Variants in ACVR1C observed in about 807,000 individuals in gnomAD.
ACVR1C encodes activin A receptor type 1C, also known as activin receptor type-1C.
In ACVR1C, 23 loss-of-function variants were observed where a neutral mutation model predicts 57.9. The ratio of observed to expected loss-of-function variants is 0.40; its 90% CI spans 0.29 to 0.56. The LOEUF is 0.56. Among genes scored for constraint, ACVR1C ranks in the 20% least tolerant of loss-of-function variants. The pLI, the probability that ACVR1C is intolerant of heterozygous loss-of-function variation, is 0.50. For missense variants in ACVR1C, 480 were observed against 607.9 expected, an observed-to-expected ratio of 0.79 and a Z score of 2.21; for synonymous variants, 214 against 215.3, an observed-to-expected ratio of 0.99 and a Z score of 0.05.
chr2:157,597,272 G>T, intron 1 of ACVR1C: 1 of 886,076 alleles, frequency 1.1e-6, no homozygotes, highest in Non-Finnish European at 1.4e-6. Flanking sequence ...TCACTGCCCT[G>T]ATGGAACTCC....
intron 8 of ACVR1C, among the ~76,000 whole-genome samples, chr2:157,536,404 A>G (rs1199843635): frequency 6.6e-6 from 1 of 152,210 alleles, no homozygotes; most frequent in African/African-American, 2.4e-5. Context: ...AGTTCTTAAA[A>G]GTAGTCATAA....
chr2:157,533,874 A>G lies in ACVR1C; in HGVS notation c.*44T>C. On this transcript the variant is annotated 3_prime_UTR_variant, in exon 9 of 9. Coordinates refer to ENST00000243349, the MANE Select transcript of ACVR1C (RefSeq NM_145259.3). ...AACATTCACATAAAGGGGAAAATGG[A>G]AAAGAAAGCTATGAGAGATTTCTTT... 1 of 1,488,422 alleles carries G rather than the reference A, an allele frequency of 6.7e-7. No homozygotes were observed. Among genetic ancestry groups the G allele is most frequent in the Non-Finnish European group, 8.9e-7 (1 of 1,122,040 alleles). 92.2% of individuals were successfully genotyped at this position (1,488,422 alleles called of 1,614,324 possible). A position where few individuals can be genotyped will look rare whatever the true frequency, so the allele number is the denominator to read the frequency against.
chr2:157,608,704 T>C (rs577311242), intron 1 of ACVR1C, among the ~76,000 whole-genome samples: 1 of 152,008 alleles, frequency 6.6e-6, no homozygotes, highest in African/African-American at 2.4e-5. Flanking sequence ...TCAATCTTGA[T>C]AGGCTGTATG....
chr2:157,543,879 CT>C lies in ACVR1C; in HGVS notation c.943+565del, dbSNP rs144766835. Among the ~76,000 whole-genome samples, 1,116 of 152,080 alleles carry C rather than the reference CT, an allele frequency of 7.3e-3. 8 individuals carry two copies. The highest frequency in any genetic ancestry group is 0.025 in the African/African-American group (1,041 of 41,498). ...GACATTTGCCATTAAAGCAAGATCTCTGGGTACATATGCTAAATGGCAAAGA... is the reference window on the plus strand; with the variant it reads ...GACATTTGCCATTAAAGCAAGATCTCGGGTACATATGCTAAATGGCAAAGA... On this transcript the variant is annotated intron_variant, in intron 5 of 8. Transcript: ENST00000243349.
At chr2:157,609,242 G>C (rs1682476216) in intron 1 of ACVR1C, among the ~76,000 whole-genome samples, 1 of 151,544 alleles carries the variant, frequency 6.6e-6, no homozygotes, top group Admixed American at 6.6e-5. Context: ...TTGTTTAGGG[G>C]CATGTTGTTT....
At chr2:157,542,130 A>G (rs1687639910) in intron 6 of ACVR1C, among the ~76,000 whole-genome samples, 1 of 152,228 alleles carries the variant, frequency 6.6e-6, no homozygotes, top group South Asian at 2.1e-4. Flanking sequence ...ATCCAAATTC[A>G]TATTATCTTA....
chr2:157,624,490 T>A (rs1682856429), intron 1 of ACVR1C, among the ~76,000 whole-genome samples: 1 of 152,122 alleles, frequency 6.6e-6, no homozygotes, highest in South Asian at 2.1e-4. Flanking sequence ...AATAACCACT[T>A]CCAAAATACA....
intron 1 of ACVR1C, among the ~76,000 whole-genome samples, chr2:157,588,509 A>C (rs569159777): frequency 4.6e-5 from 7 of 151,930 alleles, no homozygotes; most frequent in African/African-American, 1.7e-4. Flanking sequence ...ATAATGGTGA[A>C]GTCTCAGCTT....
At chr2:157,555,336 G>C (rs972371317) in intron 3 of ACVR1C, among the ~76,000 whole-genome samples, 7 of 150,974 alleles carry the variant, frequency 4.6e-5, no homozygotes, top group African/African-American at 1.5e-4. Context: ...AGCCAGGATG[G>C]TCTCGATCTC....
chr2:157,587,218 A>G lies in ACVR1C; in HGVS notation c.273T>C (p.Phe91=). ...VTKTECCFTD[F]CNNITLHLPT... is the part of the protein sequence containing the mutation. ...GAAGGTGCAGTGTTATGTTGTTGCA[A>G]AAATCTGTGAAGCAGCATTCGGTTT... Residue 91 remains phenylalanine (F), a synonymous_variant, in exon 2 of 9, where the codon TTT becomes TTC. Coordinates refer to ENST00000243349, the MANE Select transcript of ACVR1C (RefSeq NM_145259.3). 1 of 1,613,588 alleles carries G rather than the reference A, an allele frequency of 6.2e-7. No homozygotes were observed. The highest frequency in any genetic ancestry group is 8.5e-7 in the Non-Finnish European group (1 of 1,179,556).
intron 2 of ACVR1C, among the ~76,000 whole-genome samples, chr2:157,560,853 T>C (rs1430102670): frequency 6.6e-6 from 1 of 152,236 alleles, no homozygotes; most frequent in Non-Finnish European, 1.5e-5. Flanking sequence ...TGGAGGTACG[T>C]ACTTGATCAA....
intron 1 of ACVR1C, among the ~76,000 whole-genome samples, chr2:157,622,555 A>G (rs1682804460): frequency 6.6e-6 from 1 of 152,178 alleles, no homozygotes; most frequent in Non-Finnish European, 1.5e-5. Context: ...GGAAAACTGG[A>G]TATCCATATG....
In ACVR1C at chr2:157,533,508, C is replaced by G. The variant is rs1195414527; in HGVS notation, c.*410G>C. On this transcript the variant is annotated 3_prime_UTR_variant, in exon 9 of 9. Transcript: ENST00000243349. ...TTGCATCACCTAAAGATAGCATGCT[C>G]TAATTTGCATGTTTAATTAATATGT... is the stretch of plus-strand genomic sequence containing the variant. The G allele has an allele frequency of 2.6e-5, 4 of 152,720 alleles. No individual in the cohort carries two copies. Among genetic ancestry groups the G allele is most frequent in the African/African-American group, 9.7e-5 (4 of 41,434 alleles). 9.5% of individuals were successfully genotyped at this position (152,720 alleles called of 1,614,324 possible).
intron 2 of ACVR1C, among the ~76,000 whole-genome samples, chr2:157,585,411 T>A (rs1688895385): frequency 6.6e-6 from 1 of 152,182 alleles, no homozygotes; most frequent in Admixed American, 6.6e-5. Context: ...AACTTAAGGG[T>A]AGAACATATA....
intron 5 of ACVR1C, 45 bp downstream of exon 5, chr2:157,544,395 CCTCTA>C: frequency 6.6e-7 from 1 of 1,518,394 alleles, no homozygotes; most frequent in African/African-American, 1.4e-5. Context: ...TAACTAAGTA[CCTCTA>C]TCCTCATATT....
At chr2:157,575,522 G>A (rs1688624207) in intron 2 of ACVR1C, among the ~76,000 whole-genome samples, 2 of 152,140 alleles carry the variant, frequency 1.3e-5, no homozygotes, top group African/African-American at 4.8e-5. Context: ...CCCTGCCTGG[G>A]CTTCCCAAAG....
intron 3 of ACVR1C, among the ~76,000 whole-genome samples, chr2:157,554,227 G>GAAAGA: frequency 9.8e-6 from 1 of 101,864 alleles, no homozygotes; most frequent in African/African-American, 4.9e-5. Flanking sequence ...AAGAAAGAAA[G>GAAAGA]AAAGAAAGAA....
chr2:157,566,791 C>T (rs1428800382), intron 2 of ACVR1C, among the ~76,000 whole-genome samples: 1 of 152,076 alleles, frequency 6.6e-6, no homozygotes, highest in African/African-American at 2.4e-5. Context: ...GGGAGGGGCG[C>T]CCGCCATTGC....
intron 3 of ACVR1C, among the ~76,000 whole-genome samples, chr2:157,554,253 AAG>A (rs1491258816): frequency 1.2e-4 from 17 of 139,100 alleles, no homozygotes; most frequent in Non-Finnish European, 1.2e-4. Context: ...GAAAGAAAGA[AAG>A]AAAGAAAGAA....
Sources: gnomAD v4.1 joint callset for allele counts (sites outside exome capture counted in the v4.1 genomes callset) on GRCh38, gnomAD v4.1.1 for gene constraint, MANE v1.5 for transcripts, NCBI Gene and HGNC (gene_info 2026-07-23, HGNC 2026-07-21) for gene names.